FABP7: variants seen among roughly 807,000 people sequenced by gnomAD.
FABP7 encodes the protein fatty acid-binding protein, brain.
A neutral mutation model predicts 14.2 loss-of-function variants in FABP7; 13 were observed. That is an observed-to-expected ratio of 0.91 (90% CI 0.59 to 1.45). FABP7 has a LOEUF of 1.45. FABP7 is among the 40% of genes most tolerant of loss of function. The pLI is 0.00. For missense variants in FABP7, 149 were observed against 157.6 expected (o/e 0.95, Z 0.29); for synonymous variants, 49 against 51.4 (o/e 0.95, Z 0.20).
intron 1 of FABP7, 111 bp from the exon 2 acceptor site, chr6:122,780,180 T>A: frequency 8.7e-7 from 1 of 1,147,612 alleles, no homozygotes; most frequent in Non-Finnish European, 1.3e-6. Flanking sequence ...AATCATGTTC[T>A]AATGAAACTT....
rs1332665385 is a variant in FABP7, at chr6:122,783,164, T to C, written c.349-553T>C. On this transcript the variant is annotated intron_variant, in intron 3 of 3. Coordinates refer to ENST00000368444, the MANE Select transcript of FABP7 (RefSeq NM_001446.5). ...AGATTTGACATTAGAGTAATAGAGC[T>C]GATGTTCCGCATCCTATCCACCTAC... 3.0e-6 allele frequency: 3 copies of C among 985,454 alleles called. No homozygotes were observed. The East Asian group carries it at 3.4e-4, about 112-fold the overall frequency. 61.0% of individuals were successfully genotyped at this position (985,454 alleles called of 1,614,324 possible). A position where few individuals can be genotyped will look rare whatever the true frequency, so the allele number is the denominator to read the frequency against.
At chr6:122,782,341 G>A (rs574217477) in intron 3 of FABP7, 91 of 493,356 alleles carry the variant, frequency 1.8e-4, no homozygotes, top group African/African-American at 1.8e-3. Flanking sequence ...ATCCTTCTGC[G>A]GGCCCCCTCC....
chr6:122,760,258 A>G, the FABP7 span, among the ~76,000 whole-genome samples: 1 of 152,202 alleles, frequency 6.6e-6, no homozygotes, highest in Non-Finnish European at 1.5e-5. Context: ...GCCCCTTTCA[A>G]GAAATAATTG....
chr6:122,750,890 C>T, the FABP7 span, among the ~76,000 whole-genome samples: 1 of 152,172 alleles, frequency 6.6e-6, no homozygotes. Flanking sequence ...GAAGCTTTGC[C>T]TGTTCTTTTG....
the FABP7 span, among the ~76,000 whole-genome samples, chr6:122,752,184 A>G: frequency 5.3e-5 from 8 of 152,314 alleles, no homozygotes; most frequent in South Asian, 1.7e-3. Context: ...AAAAAAATCA[A>G]TGATTTATAT....
At chr6:122,764,614 C>T in the FABP7 span, among the ~76,000 whole-genome samples, 4 of 152,080 alleles carry the variant, frequency 2.6e-5, no homozygotes, top group African/African-American at 7.2e-5. Context: ...TATGACCCAT[C>T]CCCTTTTTGT....
rs200599902 is a variant in FABP7, at chr6:122,783,980, G to C, written c.*213G>C. 1 of 275,824 alleles carries C rather than the reference G, an allele frequency of 3.6e-6. No homozygotes were observed. The highest frequency in any genetic ancestry group is 9.6e-5 in the South Asian group (1 of 10,394). 17.1% of individuals were successfully genotyped at this position (275,824 alleles called of 1,614,324 possible). On this transcript the variant is annotated 3_prime_UTR_variant, in exon 4 of 4. Transcript: ENST00000368444. ...GTTTTATAATTTGAATTAAAGTTTTGTCCCCCCCCCCCTTTTTTTTATAAA... is the reference window on the plus strand; with the variant it reads ...GTTTTATAATTTGAATTAAAGTTTTCTCCCCCCCCCCCTTTTTTTTATAAA...
chr6:122,777,061 A>T (rs149179144), upstream of FABP7, among the ~76,000 whole-genome samples: 62 of 152,340 alleles, frequency 4.1e-4, no homozygotes, highest in East Asian at 0.011. Flanking sequence ...ATAAATGGGT[A>T]TGCACAAATA....
At chr6:122,755,661 G>A in the FABP7 span, among the ~76,000 whole-genome samples, 1 of 151,716 alleles carries the variant, frequency 6.6e-6, no homozygotes, top group East Asian at 1.9e-4. Context: ...GTTTCACCGT[G>A]TTATCCAGGA....
At chr6:122,759,815 A>T in the FABP7 span, among the ~76,000 whole-genome samples, 1 of 151,890 alleles carries the variant, frequency 6.6e-6, no homozygotes, top group South Asian at 2.1e-4. Flanking sequence ...TCTTTTTTTT[A>T]AACTTTATTA....
At chr6:122,756,573 G>A in the FABP7 span, among the ~76,000 whole-genome samples, 1 of 152,176 alleles carries the variant, frequency 6.6e-6, no homozygotes, top group Non-Finnish European at 1.5e-5. Flanking sequence ...TCACTGAAAT[G>A]CTTTGTTCCT....
At chr6:122,778,418 T>C (rs2115140913), upstream of FABP7, among the ~76,000 whole-genome samples, 1 of 152,300 alleles carries the variant, frequency 6.6e-6, no homozygotes. Flanking sequence ...AAGAATCATG[T>C]AGCCGCCACC....
upstream of FABP7, among the ~76,000 whole-genome samples, chr6:122,778,323 C>T (rs1352982566): frequency 1.3e-5 from 2 of 152,114 alleles, no homozygotes; most frequent in African/African-American, 4.8e-5. Context: ...TGGTATCAGT[C>T]ACAAATAAAG....
the FABP7 span, among the ~76,000 whole-genome samples, chr6:122,752,497 CT>C: frequency 1.3e-5 from 2 of 152,200 alleles, no homozygotes; most frequent in African/African-American, 4.8e-5. Flanking sequence ...AAATGTTGGC[CT>C]AAGCCATTCC....
chr6:122,763,691 A>G, the FABP7 span, among the ~76,000 whole-genome samples: 1 of 152,232 alleles, frequency 6.6e-6, no homozygotes, highest in East Asian at 1.9e-4. Context: ...ACAAATTTAC[A>G]AGAAAAAAAT....
chr6:122,777,362 T>C (rs1175713260), upstream of FABP7, among the ~76,000 whole-genome samples: 1 of 152,084 alleles, frequency 6.6e-6, no homozygotes, highest in African/African-American at 2.4e-5. Flanking sequence ...CACCCCCACA[T>C]ACTGAGCAGA....
At chr6:122,781,353 G>A (rs1002248672) in intron 3 of FABP7, 159 bp downstream of exon 3, 7 of 1,461,622 alleles carry the variant, frequency 4.8e-6, no homozygotes, top group South Asian at 2.8e-5. Context: ...TGTAAAACAG[G>A]GGAAACAAAA....
intron 3 of FABP7, chr6:122,782,651 G>T (rs1562340741): frequency 3.0e-6 from 3 of 985,390 alleles, no homozygotes; most frequent in Non-Finnish European, 3.6e-6. Context: ...TTTTGGAGGA[G>T]GGTGTGAGAA....
chr6:122,775,700 AC>A (rs1320588295), upstream of FABP7, among the ~76,000 whole-genome samples: 2 of 57,874 alleles, frequency 3.5e-5, no homozygotes, highest in Admixed American at 2.4e-4. Context: ...AACAACAACA[AC>A]AACAAAAAAA....
Sources: gnomAD v4.1 joint callset for allele counts (sites outside exome capture counted in the v4.1 genomes callset) on GRCh38, gnomAD v4.1.1 for gene constraint, MANE v1.5 for transcripts, NCBI Gene and HGNC (gene_info 2026-07-23, HGNC 2026-07-21) for gene names.